PRKCB: variants seen among roughly 807,000 people sequenced by gnomAD.
PRKCB encodes protein kinase C beta.
A neutral mutation model predicts 81.5 loss-of-function variants in PRKCB; 13 were observed. The observed-to-expected ratio is 0.16, with a 90% CI of 0.10 to 0.25. The LOEUF (loss-of-function observed/expected upper bound fraction) is 0.25. Ranked by LOEUF, PRKCB falls within the 10% of genes least tolerant of loss-of-function variation. PRKCB has a pLI of 1.00. For missense variants in PRKCB, 509 were observed against 875.7 expected (o/e 0.58, Z 5.29); for synonymous variants, 335 against 321.4 (o/e 1.04, Z -0.45).
intron 2 of PRKCB, among the ~76,000 whole-genome samples, chr16:23,953,244 A>C (rs1964307207): frequency 6.6e-6 from 1 of 152,202 alleles, no homozygotes. Flanking sequence ...ACCCTAGAGA[A>C]AGCTAACCAG....
intron 10 of PRKCB, among the ~76,000 whole-genome samples, chr16:24,159,953 C>T (rs1463342367): frequency 6.6e-6 from 1 of 151,912 alleles, no homozygotes; most frequent in African/African-American, 2.4e-5. Flanking sequence ...TCACTGCACT[C>T]CAGCCTGAGC....
chr16:24,031,557 A>C (rs561537178), intron 3 of PRKCB, among the ~76,000 whole-genome samples: 40 of 152,350 alleles, frequency 2.6e-4, no homozygotes, highest in Middle Eastern at 3.4e-3. Context: ...TCTCTGCTAA[A>C]ACTCAAGGAT....
chr16:23,949,467 A>C (rs766232667), intron 2 of PRKCB, among the ~76,000 whole-genome samples: 1 of 152,186 alleles, frequency 6.6e-6, no homozygotes, highest in Admixed American at 6.5e-5. Flanking sequence ...GTTGATTCTC[A>C]TGGTCTTGGA....
intron 5 of PRKCB, among the ~76,000 whole-genome samples, chr16:24,045,622 T>C (rs1308359122): frequency 2.6e-5 from 4 of 152,146 alleles, no homozygotes; most frequent in South Asian, 2.1e-4. Context: ...AATTTTTTTT[T>C]CCAGAAATCA....
intron 7 of PRKCB, among the ~76,000 whole-genome samples, chr16:24,109,436 G>A (rs1240757258): frequency 8.2e-6 from 1 of 121,378 alleles, no homozygotes; most frequent in Admixed American, 7.8e-5. Flanking sequence ...ACGGGGTTGC[G>A]GCCGGGCAGA....
chr16:24,028,396 C>G (rs1011994394), intron 3 of PRKCB, among the ~76,000 whole-genome samples: 2 of 152,176 alleles, frequency 1.3e-5, no homozygotes, highest in Non-Finnish European at 1.5e-5. Context: ...GCCACAAATT[C>G]ACTTTTAAAA....
chr16:24,150,589 TTTC>T (rs1454376732), intron 9 of PRKCB, among the ~76,000 whole-genome samples: 17 of 152,226 alleles, frequency 1.1e-4, no homozygotes, highest in Non-Finnish European at 1.9e-4. Flanking sequence ...AGGGTTTTCA[TTTC>T]CAAATTAAAC....
intron 5 of PRKCB, among the ~76,000 whole-genome samples, chr16:24,075,758 A>G (rs1042358616): frequency 6.6e-6 from 1 of 152,166 alleles, no homozygotes; most frequent in Non-Finnish European, 1.5e-5. Flanking sequence ...AATTGTAACT[A>G]TATTTCTGTC....
chr16:24,043,956 A>G (rs1965735045), intron 5 of PRKCB, among the ~76,000 whole-genome samples: 1 of 152,246 alleles, frequency 6.6e-6, no homozygotes, highest in Non-Finnish European at 1.5e-5. Flanking sequence ...GCAAAGAAAT[A>G]AAATCTAGAA....
chr16:24,024,030 T>C (rs1179794206), intron 3 of PRKCB, among the ~76,000 whole-genome samples: 1 of 152,104 alleles, frequency 6.6e-6, no homozygotes, highest in Non-Finnish European at 1.5e-5. Context: ...GCAGATGGAA[T>C]TGGAAGGCAG....
At chr16:24,153,207 T>TG (rs1967104994) in intron 9 of PRKCB, among the ~76,000 whole-genome samples, 1 of 152,170 alleles carries the variant, frequency 6.6e-6, no homozygotes, top group African/African-American at 2.4e-5. Context: ...CATCCTCTGG[T>TG]CCTCCAGCTG....
chr16:23,995,827 T>C (rs147440203), intron 3 of PRKCB, among the ~76,000 whole-genome samples: 2 of 152,314 alleles, frequency 1.3e-5, no homozygotes, highest in Admixed American at 6.5e-5. Context: ...CTATGATCAG[T>C]TGACAAAGGA....
intron 5 of PRKCB, among the ~76,000 whole-genome samples, chr16:24,087,391 G>A (rs1433265993): frequency 6.6e-6 from 1 of 152,150 alleles, no homozygotes; most frequent in Non-Finnish European, 1.5e-5. Flanking sequence ...GTATGAATGC[G>A]CCATATATTA....
At position 23,911,817 on chromosome 16, in the gene PRKCB, G is replaced by A. The variant is rs1251828501; in HGVS notation, c.205+74411G>A. ...CCGTTTGTCTTGTCCTGGGATATGCGCGACCCACATTTTTTTTTTTTTTTT... is the reference window on the plus strand; with the variant it reads ...CCGTTTGTCTTGTCCTGGGATATGCACGACCCACATTTTTTTTTTTTTTTT... On this transcript the variant is annotated intron_variant, in intron 2 of 16. Coordinates refer to ENST00000643927, the MANE Select transcript of PRKCB (RefSeq NM_002738.7). Among the ~76,000 whole-genome samples the A allele has an allele frequency of 3.7e-5, 5 of 135,498 alleles. No homozygotes were observed. The East Asian group carries it at 6.7e-4, about 18-fold the overall frequency. The allele number at this position is 135,498 out of a possible 152,430, so 88.9% of individuals were successfully genotyped here.
At chr16:24,049,421 C>G (rs1293544533) in intron 5 of PRKCB, among the ~76,000 whole-genome samples, 2 of 136,798 alleles carry the variant, frequency 1.5e-5, no homozygotes, top group African/African-American at 2.6e-5. Context: ...CCAGGACCTG[C>G]AACCTTAACC....
intron 12 of PRKCB, among the ~76,000 whole-genome samples, chr16:24,176,670 A>G (rs1596583658): frequency 6.6e-6 from 1 of 152,152 alleles, no homozygotes; most frequent in Non-Finnish European, 1.5e-5. Flanking sequence ...AGGCAGGCGG[A>G]TTGCCTGAGG....
chr16:24,097,378 G>C (rs1427045583), intron 7 of PRKCB, among the ~76,000 whole-genome samples: 1 of 152,058 alleles, frequency 6.6e-6, no homozygotes, highest in South Asian at 2.1e-4. Context: ...TGTCCACTAG[G>C]TGCTGGTCAC....
intron 2 of PRKCB, among the ~76,000 whole-genome samples, chr16:23,977,194 A>G (rs1964637524): frequency 6.6e-6 from 1 of 152,226 alleles, no homozygotes. Flanking sequence ...GGACCTCTAT[A>G]CGGTGGAACA....
intron 2 of PRKCB, among the ~76,000 whole-genome samples, chr16:23,974,481 G>A (rs780149028): frequency 2.2e-4 from 34 of 152,272 alleles, no homozygotes; most frequent in Non-Finnish European, 4.4e-4. Flanking sequence ...GCCAAGGAGA[G>A]GAGGAAGGGG....
Sources: gnomAD v4.1 joint callset for allele counts (sites outside exome capture counted in the v4.1 genomes callset) on GRCh38, gnomAD v4.1.1 for gene constraint, MANE v1.5 for transcripts, NCBI Gene and HGNC (gene_info 2026-07-23, HGNC 2026-07-21) for gene names.